TECR: variants seen among roughly 807,000 people sequenced by gnomAD.
The protein encoded by TECR is trans-2,3-enoyl-CoA reductase.
In TECR, 19 loss-of-function variants were observed where a neutral mutation model predicts 50.6. That is an observed-to-expected ratio of 0.38 (90% CI 0.26 to 0.55). The LOEUF is 0.55. TECR is among the 20% of genes least tolerant of loss of function. The pLI, the probability that TECR is intolerant of heterozygous loss-of-function variation, is 0.79. For synonymous variants in TECR, 168 were observed against 163.5 expected (o/e 1.03, Z -0.21); for missense variants, 313 against 408.3 (o/e 0.77, Z 2.01).
intron 1 of TECR, chr19:14,530,321 CTT>C (rs1876635699): frequency 6.4e-6 from 1 of 155,632 alleles, no homozygotes; most frequent in African/African-American, 2.4e-5. Context: ...CACAGCCACT[CTT>C]GAAGCCCAAG....
chr19:14,535,489 A>G (rs2072830827), intron 1 of TECR, among the ~76,000 whole-genome samples: 1 of 112,302 alleles, frequency 8.9e-6, no homozygotes, highest in African/African-American at 3.5e-5. Flanking sequence ...CCTGGGCGAC[A>G]GAGCGAGACT....
chr19:14,562,421 C>T (rs2073931051), intron 1 of TECR, 104 bp from the exon 2 acceptor site: 1 of 1,287,066 alleles, frequency 7.8e-7, no homozygotes, highest in East Asian at 2.3e-5. Context: ...AGCTTGTTGG[C>T]CCGGGAGGCC....
Position 14,550,125 on chromosome 19 carries a change from G to C in TECR, c.16-12400G>C, listed in dbSNP as rs1016822297. On this transcript the variant is annotated intron_variant, in intron 1 of 12. Transcript: ENST00000215567. ...GAGTTCCATGCGAGCAGGGATTTTT[G>C]TCTCTCCTTCTATAGCTGAACCCCA... 1.4e-4 allele frequency among the ~76,000 whole-genome samples: 21 copies of C among 151,860 alleles called. 1 individual carries two copies. Among genetic ancestry groups the C allele is most frequent in the Admixed American group, 1.2e-3 (18 of 15,234 alleles).
chr19:14,536,073 G>A, intron 1 of TECR, among the ~76,000 whole-genome samples: 1 of 152,064 alleles, frequency 6.6e-6, no homozygotes, highest in East Asian at 1.9e-4. Flanking sequence ...ACAGATGAGG[G>A]ACCTGAGACC....
intron 1 of TECR, 193 bp downstream of exon 1, chr19:14,529,904 A>G: frequency 1.3e-6 from 1 of 774,828 alleles, no homozygotes; most frequent in Non-Finnish European, 2.1e-6. Flanking sequence ...AGTATTTATA[A>G]ATCTGCAACC....
Position 14,558,132 on chromosome 19 carries a change from C to T in TECR, c.16-4393C>T, listed in dbSNP as rs1599485106. 4.6e-5 allele frequency among the ~76,000 whole-genome samples: 7 copies of T among 152,230 alleles called. 1 individual carries two copies. In the South Asian group the frequency reaches 1.5e-3, roughly 32 times the overall value. ...CTGTCAGATGGCAGCTGGGGACAGC[C>T]CACTTTGCCATGAGTAGATGGAAGT... is the stretch of plus-strand genomic sequence containing the variant. On this transcript the variant is annotated intron_variant, in intron 1 of 12. Coordinates refer to ENST00000215567, the MANE Select transcript of TECR (RefSeq NM_138501.6).
At chr19:14,541,218 T>C (rs1421321737) in intron 1 of TECR, among the ~76,000 whole-genome samples, 1 of 152,062 alleles carries the variant, frequency 6.6e-6, no homozygotes, top group African/African-American at 2.4e-5. Context: ...GTTCAAGTGA[T>C]CTCCTGCCTC....
intron 1 of TECR, among the ~76,000 whole-genome samples, chr19:14,535,584 A>ATATGTATATG (rs1555729582): frequency 2.6e-5 from 1 of 38,594 alleles, no homozygotes; most frequent in African/African-American, 9.4e-5. Context: ...ATATATATAT[A>ATATGTATATG]TATATGTATG....
intron 1 of TECR, among the ~76,000 whole-genome samples, chr19:14,540,090 C>T (rs185589179): frequency 0.016 from 2,238 of 139,438 alleles, 30 homozygotes; most frequent in Middle Eastern, 0.024. Flanking sequence ...GACGGAGTCT[C>T]GCTCTGTCGC....
Position 14,562,536 on chromosome 19 carries a change from G to A in TECR, c.27G>A (p.Leu9=), listed in dbSNP as rs1306813930. Residue 9 remains leucine, a synonymous_variant, in exon 2 of 13, where the codon CTG becomes CTA. Transcript: ENST00000215567. MKHYEVEI[L]DAKTREKLCF... ...TTCTCTTCTTCGAGGTGGAGATTCT[G>A]GACGCAAAGACAAGGGAGAAGCTGT... is the stretch of plus-strand genomic sequence containing the variant. The A allele has an allele frequency of 6.2e-7, 1 of 1,614,240 alleles. No individual in the cohort carries two copies. Among genetic ancestry groups the A allele is most frequent in the Admixed American group, 1.7e-5 (1 of 60,030 alleles).
chr19:14,552,087 C>A (rs1412751856), intron 1 of TECR, among the ~76,000 whole-genome samples: 1 of 150,636 alleles, frequency 6.6e-6, no homozygotes, highest in Non-Finnish European at 1.5e-5. Flanking sequence ...AGTCCATCTA[C>A]CTTGGCCTCC....
chr19:14,538,946 T>C (rs950841899), intron 1 of TECR, among the ~76,000 whole-genome samples: 14 of 151,172 alleles, frequency 9.3e-5, no homozygotes, highest in Non-Finnish European at 2.1e-4. Context: ...GCCTCAGTTT[T>C]GATATAATGT....
At chr19:14,549,099 C>T (rs527244613) in intron 1 of TECR, among the ~76,000 whole-genome samples, 47 of 151,752 alleles carry the variant, frequency 3.1e-4, no homozygotes, top group Non-Finnish European at 5.9e-4. Context: ...CATTTTTAGT[C>T]GGTTCAAAAG....
chr19:14,551,575 T>A (rs2073506846), intron 1 of TECR, among the ~76,000 whole-genome samples: 1 of 152,150 alleles, frequency 6.6e-6, no homozygotes, highest in African/African-American at 2.4e-5. Context: ...CGCCCCTGCT[T>A]TTCTAGGCCC....
rs1483082759 is a variant in TECR, at chr19:14,563,900, G to T, written c.264G>T (p.Val88=). The T allele has an allele frequency of 6.2e-7, 1 of 1,613,948 alleles. No individual in the cohort carries two copies. The highest frequency in any genetic ancestry group is 1.3e-5 in the African/African-American group (1 of 74,908). The stretch of plus-strand genomic sequence containing the variant: ...ACCTGGGGGCCCAGATCAGCTGGGT[G>T]ACGGTGAGTCCTGACCCTACCCACG... The part of the protein sequence containing the change: ...FRDLGAQISW[V]TVFLTEYAGP... The change falls in exon 5 of 13, where the codon GTG becomes GTT. Residue 88 remains valine, a synonymous_variant. Transcript: ENST00000215567. This position sits in a 1 kb window ranked among gnomAD's most constrained non-coding sequence, Gnocchi z 5.3.
chr19:14,556,141 ACT>A (rs767199472), intron 1 of TECR, among the ~76,000 whole-genome samples: 8 of 150,016 alleles, frequency 5.3e-5, no homozygotes, highest in Admixed American at 2.0e-4. Context: ...ACCTCCTCCC[ACT>A]CTCTCCCTGA....
chr19:14,542,363 T>G (rs1599434619), intron 1 of TECR, among the ~76,000 whole-genome samples: 1 of 130,562 alleles, frequency 7.7e-6, no homozygotes, highest in South Asian at 2.6e-4. Context: ...TTTTTTTTTT[T>G]TTTTTTTTTT....
chr19:14,562,464 C>T, intron 1 of TECR, 61 bp from the exon 2 acceptor site: 1 of 1,604,286 alleles, frequency 6.2e-7, no homozygotes, highest in Non-Finnish European at 8.5e-7. Flanking sequence ...TCAATGGGCT[C>T]CCCAGGCCCA....
Position 14,562,245 on chromosome 19 carries a change from C to T in TECR, c.16-280C>T, listed in dbSNP as rs1568427486. 7 of 603,208 alleles carry T rather than the reference C, an allele frequency of 1.2e-5. No homozygotes were observed. The East Asian group carries it at 1.6e-4, about 14-fold the overall frequency. The allele number at this position is 603,208 out of a possible 1,614,324, so 37.4% of individuals were successfully genotyped here. A position where few individuals can be genotyped will look rare whatever the true frequency, so the allele number is the denominator to read the frequency against. ...TCGGCAGTGCCAGGGCCGGCACGGG[C>T]TCCTTTCCAGCACCGCGGCAGAATT... is the stretch of plus-strand genomic sequence containing the variant. On this transcript the variant is annotated intron_variant, in intron 1 of 12. Transcript: ENST00000215567.
Sources: gnomAD v4.1 joint callset for allele counts (sites outside exome capture counted in the v4.1 genomes callset) on GRCh38, gnomAD v4.1.1 for gene constraint, Gnocchi (gnomAD v3.1) non-coding constraint, MANE v1.5 for transcripts, NCBI Gene and HGNC (gene_info 2026-07-23, HGNC 2026-07-21) for gene names.